Variants in TRAPPC9 observed in about 807,000 individuals in gnomAD.
The protein encoded by TRAPPC9 is trafficking protein particle complex subunit 9.
In TRAPPC9, 83 loss-of-function variants were observed where a neutral mutation model predicts 124.0. The observed-to-expected ratio is 0.67, with a 90% CI of 0.56 to 0.80. The LOEUF (loss-of-function observed/expected upper bound fraction) is 0.80, where lower values mean the gene tolerates loss of function less well. TRAPPC9 is among the 30% of genes least tolerant of loss of function. TRAPPC9 has a pLI of 0.00. For synonymous variants in TRAPPC9, 638 were observed against 617.5 expected (o/e 1.03, Z -0.49); for missense variants, 1,302 against 1,508.3 (o/e 0.86, Z 2.27).
In TRAPPC9 at chr8:140,345,586, G is replaced by A. The variant is rs911024670; in HGVS notation, c.1495+14464C>T. 3.9e-5 allele frequency among the ~76,000 whole-genome samples: 6 copies of A among 152,166 alleles called. No homozygotes were observed. The East Asian group carries it at 1.2e-3, about 29-fold the overall frequency. The stretch of plus-strand genomic sequence containing the variant: ...TGAGTGGGACAGATATGTATTGGCC[G>A]GCACTGGGCTATACTTGCATTTCAC... On this transcript the variant is annotated intron_variant, in intron 9 of 22. Transcript: ENST00000438773.
chr8:140,249,728 C>G (rs1389389080), intron 16 of TRAPPC9, among the ~76,000 whole-genome samples: 26 of 151,594 alleles, frequency 1.7e-4, no homozygotes, highest in Non-Finnish European at 1.0e-4. Context: ...CTCAGCCTCC[C>G]AAGTAGCTGG....
chr8:140,259,647 T>G (rs2064353419), intron 15 of TRAPPC9, among the ~76,000 whole-genome samples: 1 of 152,238 alleles, frequency 6.6e-6, no homozygotes, highest in South Asian at 2.1e-4. Flanking sequence ...ATGCTAGTTA[T>G]TCCTCCCACT....
At chr8:140,243,136 C>T (rs2063901237) in intron 16 of TRAPPC9, among the ~76,000 whole-genome samples, 2 of 152,180 alleles carry the variant, frequency 1.3e-5, no homozygotes, top group South Asian at 2.1e-4. Context: ...CTGGGTGGGC[C>T]GAGGAATCTG....
At chr8:139,908,621 G>A (rs372712112) in intron 20 of TRAPPC9, 39 of 152,338 alleles carry the variant, frequency 2.6e-4, no homozygotes, top group African/African-American at 9.4e-4. Flanking sequence ...ACTTACCTGG[G>A]TTGGTCCCTG....
At position 140,104,056 on chromosome 8, in the gene TRAPPC9, T is replaced by C. The variant is rs1237138429; in HGVS notation, c.2557-79977A>G. 1.3e-5 allele frequency among the ~76,000 whole-genome samples: 2 copies of C among 152,214 alleles called. No individual in the cohort carries two copies. The highest frequency in any genetic ancestry group is 4.8e-5 in the African/African-American group (2 of 41,450). On this transcript the variant is annotated intron_variant, in intron 17 of 22. Coordinates refer to ENST00000438773, the MANE Select transcript of TRAPPC9 (RefSeq NM_001160372.4). This position sits in a 1 kb window ranked among gnomAD's most constrained non-coding sequence, Gnocchi z 4.0. ...TGGACCATCCCTTTGCTTCCTATGT[T>C]TATTCATTCACTCAGCAGTTACTTA...
At position 139,815,931 on chromosome 8, in the gene TRAPPC9, C is replaced by T. The variant is rs561740130; in HGVS notation, c.3055+69948G>A. Reference sequence around the variant, plus strand: ...TCACCTTGAGACCTGACGTAGAAGCCGAGGCCCAGCGAGGTTAAGGAACCT... The same window carrying T: ...TCACCTTGAGACCTGACGTAGAAGCTGAGGCCCAGCGAGGTTAAGGAACCT... On this transcript the variant is annotated intron_variant, in intron 21 of 22. Transcript: ENST00000438773. Among the ~76,000 whole-genome samples the T allele has an allele frequency of 3.9e-4, 59 of 152,300 alleles. 1 individual carries two copies. The highest frequency in any genetic ancestry group is 7.0e-4 in the African/African-American group (29 of 41,562).
chr8:140,110,209 C>T (rs1349869271), intron 17 of TRAPPC9, among the ~76,000 whole-genome samples: 4 of 149,344 alleles, frequency 2.7e-5, no homozygotes, highest in African/African-American at 9.9e-5. Context: ...CCATGCACCC[C>T]CTGTGGTAGC....
At chr8:140,260,184 C>T (rs907298570) in intron 15 of TRAPPC9, among the ~76,000 whole-genome samples, 2 of 152,072 alleles carry the variant, frequency 1.3e-5, no homozygotes, top group Admixed American at 6.6e-5. Flanking sequence ...TCACTCGAGT[C>T]GAAGCTCACC....
chr8:139,886,950 G>T (rs1830052069), intron 20 of TRAPPC9, among the ~76,000 whole-genome samples: 1 of 152,244 alleles, frequency 6.6e-6, no homozygotes, highest in African/African-American at 2.4e-5. Context: ...CATTGCGAGA[G>T]AGAGGGAGCA....
rs1200635831 is a variant in TRAPPC9 at position 139,910,317 on chromosome 8, A to C, written c.2811-17T>G. 3 of 1,614,178 alleles carry C rather than the reference A, an allele frequency of 1.9e-6. No individual in the cohort carries two copies. The South Asian group carries it at 3.3e-5, about 18-fold the overall frequency. On this transcript the variant is annotated splice_polypyrimidine_tract_variant and intron_variant, in intron 19 of 22. Coordinates refer to ENST00000438773, the MANE Select transcript of TRAPPC9 (RefSeq NM_001160372.4). ...ATAGCCATTCTACGAGAAAGGGGAA[A>C]ACACAGCAGAGAATTCATCAGTAGG...
At chr8:139,756,286 G>A (rs1374344013) in intron 21 of TRAPPC9, among the ~76,000 whole-genome samples, 1 of 142,638 alleles carries the variant, frequency 7.0e-6, no homozygotes, top group Non-Finnish European at 1.5e-5. Flanking sequence ...TTGGGGATGA[G>A]GACAGCAGGT....
At chr8:139,938,029 T>C (rs1371920029) in intron 19 of TRAPPC9, among the ~76,000 whole-genome samples, 1 of 152,160 alleles carries the variant, frequency 6.6e-6, no homozygotes, top group Admixed American at 6.5e-5. Context: ...CTTTTGGGTG[T>C]CTGGCTTAAT....
At chr8:140,071,688 C>T (rs1843165848) in intron 17 of TRAPPC9, among the ~76,000 whole-genome samples, 1 of 152,228 alleles carries the variant, frequency 6.6e-6, no homozygotes, top group South Asian at 2.1e-4. Context: ...ATGACACATG[C>T]AATAATGCAG....
chr8:139,850,711 C>T (rs908927552), intron 21 of TRAPPC9, among the ~76,000 whole-genome samples: 3 of 152,152 alleles, frequency 2.0e-5, no homozygotes, highest in Non-Finnish European at 2.9e-5. Flanking sequence ...ATCAGTGGTC[C>T]ACCCATTTAT....
Position 139,994,673 on chromosome 8 carries a change from G to A in TRAPPC9, c.2700-5837C>T, listed in dbSNP as rs77151167. Among the ~76,000 whole-genome samples, 5 of 152,166 alleles carry A rather than the reference G, an allele frequency of 3.3e-5. No individual in the cohort carries two copies. The East Asian group carries it at 5.8e-4, about 18-fold the overall frequency. ...TAAGTGAGTCTCTTGACATTAACAC[G>A]GATGTTTTAAAATGACTTCAGATCT... On this transcript the variant is annotated intron_variant, in intron 18 of 22. Coordinates refer to ENST00000438773, the MANE Select transcript of TRAPPC9 (RefSeq NM_001160372.4).
intron 1 of TRAPPC9, among the ~76,000 whole-genome samples, chr8:140,452,516 T>C (rs546092657): frequency 7.9e-5 from 12 of 151,900 alleles, no homozygotes; most frequent in Non-Finnish European, 1.3e-4. Context: ...GGGCCTAGCA[T>C]TGTGCCTAAC....
intron 21 of TRAPPC9, among the ~76,000 whole-genome samples, chr8:139,784,659 T>A (rs1822099607): frequency 8.1e-6 from 1 of 123,206 alleles, no homozygotes; most frequent in Non-Finnish European, 1.8e-5. Flanking sequence ...CAACTGCATT[T>A]CCATATAGTA....
At chr8:140,305,966 A>G (rs925309645) in intron 10 of TRAPPC9, among the ~76,000 whole-genome samples, 2 of 152,330 alleles carry the variant, frequency 1.3e-5, no homozygotes, top group African/African-American at 2.4e-5. Flanking sequence ...GGCTTTTCCA[A>G]TTTTACATGA....
intron 19 of TRAPPC9, among the ~76,000 whole-genome samples, chr8:139,926,889 GA>G (rs201185614): frequency 1.7e-4 from 25 of 150,152 alleles, no homozygotes; most frequent in African/African-American, 2.4e-4. Context: ...TCAAGACTGG[GA>G]AAAAAAAATC....
Sources: gnomAD v4.1 joint callset for allele counts (sites outside exome capture counted in the v4.1 genomes callset) on GRCh38, gnomAD v4.1.1 for gene constraint, Gnocchi (gnomAD v3.1) non-coding constraint, MANE v1.5 for transcripts, NCBI Gene and HGNC (gene_info 2026-07-23, HGNC 2026-07-21) for gene names.